The following TRAPPC9 variants were observed in gnomAD, a reference collection of about 807,000 sequenced individuals.
The protein encoded by TRAPPC9 is IKK2 binding protein.
In TRAPPC9, 83 loss-of-function variants were observed where a neutral mutation model predicts 124.0. The observed-to-expected ratio is 0.67, with a 90% CI of 0.56 to 0.80. TRAPPC9 has a LOEUF of 0.80. TRAPPC9 is among the 30% of genes least tolerant of loss of function. TRAPPC9 has a pLI of 0.00. For synonymous variants in TRAPPC9, 638 were observed against 617.5 expected (o/e 1.03, Z -0.49); for missense variants, 1,302 against 1,508.3 (o/e 0.86, Z 2.27).
intron 15 of TRAPPC9, among the ~76,000 whole-genome samples, chr8:140,256,237 T>C (rs1321723857): frequency 6.6e-6 from 1 of 152,206 alleles, no homozygotes; most frequent in Non-Finnish European, 1.5e-5. Context: ...CTCACATATA[T>C]GATTTATCCT....
chr8:140,448,446 G>C (rs1481972764), intron 2 of TRAPPC9, among the ~76,000 whole-genome samples: 4 of 152,238 alleles, frequency 2.6e-5, no homozygotes, highest in Non-Finnish European at 5.9e-5. Context: ...CGCTCCTCCT[G>C]CAGAGTTGTG....
chr8:139,733,136 C>T (rs181414844), intron 21 of TRAPPC9, among the ~76,000 whole-genome samples: 196 of 152,212 alleles, frequency 1.3e-3, no homozygotes, highest in Non-Finnish European at 1.4e-3. Context: ...AGTGAAAGGT[C>T]CCGATAGGAG....
chr8:140,458,348 A>T (rs1174566344), upstream of TRAPPC9: 8 of 1,588,868 alleles, frequency 5.0e-6, no homozygotes, highest in African/African-American at 6.8e-5. Context: ...GGCCCCGCGG[A>T]AGCCCACTGT....
rs1165029815 is a variant in TRAPPC9, at chr8:139,788,023, T to C, written c.3056-55821A>G. ...CTGACCCTGTGGCGTCCTCCACCACTGCCAACCATGGTACTACAAAGGGCA... is the reference window on the plus strand; with the variant it reads ...CTGACCCTGTGGCGTCCTCCACCACCGCCAACCATGGTACTACAAAGGGCA... On this transcript the variant is annotated intron_variant, in intron 21 of 22. Transcript: ENST00000438773. The surrounding 1 kb of genome is among the most constrained non-coding windows in gnomAD (Gnocchi z 4.9). 2.0e-5 allele frequency among the ~76,000 whole-genome samples: 3 copies of C among 152,184 alleles called. No individual in the cohort carries two copies. Among genetic ancestry groups the C allele is most frequent in the Non-Finnish European group, 4.4e-5 (3 of 68,030 alleles).
intron 7 of TRAPPC9, among the ~76,000 whole-genome samples, chr8:140,395,983 G>A (rs1186796573): frequency 6.6e-6 from 1 of 152,086 alleles, no homozygotes; most frequent in Non-Finnish European, 1.5e-5. Flanking sequence ...GTTTCCAGCG[G>A]GCTGGCCTTC....
chr8:140,276,175 G>C (rs372223906), intron 14 of TRAPPC9, among the ~76,000 whole-genome samples: 39 of 152,308 alleles, frequency 2.6e-4, no homozygotes, highest in Non-Finnish European at 4.7e-4. Flanking sequence ...CCATGAGGCC[G>C]CTGTTCTCTC....
Position 139,740,084 on chromosome 8 carries a change from G to A in TRAPPC9, c.3056-7882C>T, listed in dbSNP as rs1818454606. On this transcript the variant is annotated intron_variant, in intron 21 of 22. Coordinates refer to ENST00000438773, the MANE Select transcript of TRAPPC9 (RefSeq NM_001160372.4). ...GTCCTGAATGAGGACTCTAGGCCGA[G>A]CTACCATGCTCCGCTCTGGGCCCAC... 2.0e-5 allele frequency among the ~76,000 whole-genome samples: 3 copies of A among 152,202 alleles called. No homozygotes were observed. The South Asian group carries it at 6.2e-4, about 32-fold the overall frequency.
intron 17 of TRAPPC9, among the ~76,000 whole-genome samples, chr8:140,059,181 T>G (rs947310238): frequency 1.3e-5 from 2 of 152,192 alleles, no homozygotes; most frequent in African/African-American, 2.4e-5. Flanking sequence ...TCTCTCTAGA[T>G]CTATCTATCT....
chr8:140,211,159 A>C (rs189206701), intron 17 of TRAPPC9, among the ~76,000 whole-genome samples: 142 of 152,304 alleles, frequency 9.3e-4, no homozygotes, highest in Non-Finnish European at 1.7e-3. Context: ...TTGGGAGACC[A>C]AGGCAGGAGG....
chr8:140,291,120 G>C (rs2065643023), intron 11 of TRAPPC9, 42 bp from the exon 12 acceptor site: 7 of 1,565,416 alleles, frequency 4.5e-6, no homozygotes, highest in Non-Finnish European at 6.2e-6. Flanking sequence ...GTATTAGTTG[G>C]TATTTTTTCA....
chr8:140,403,012 T>C (rs1588289693), intron 6 of TRAPPC9, among the ~76,000 whole-genome samples: 1 of 152,200 alleles, frequency 6.6e-6, no homozygotes. Context: ...TACAGATATA[T>C]GTTTGCATAG....
intron 18 of TRAPPC9, among the ~76,000 whole-genome samples, chr8:140,004,479 G>A (rs985816942): frequency 5.3e-5 from 8 of 152,292 alleles, no homozygotes; most frequent in Admixed American, 3.3e-4. Context: ...TCATAAGCAA[G>A]TCATTTAATT....
At chr8:140,149,099 A>G (rs2061502766) in intron 17 of TRAPPC9, among the ~76,000 whole-genome samples, 1 of 152,100 alleles carries the variant, frequency 6.6e-6, no homozygotes, top group South Asian at 2.1e-4. Context: ...GCTAATACAT[A>G]AGAAAAAGCT....
intron 10 of TRAPPC9, among the ~76,000 whole-genome samples, chr8:140,309,573 C>T (rs1333931692): frequency 6.6e-6 from 1 of 152,238 alleles, no homozygotes; most frequent in African/African-American, 2.4e-5. Context: ...CTGTAAGCTT[C>T]ATAACATTCT....
intron 17 of TRAPPC9, among the ~76,000 whole-genome samples, chr8:140,117,065 C>T (rs548685575): frequency 2.6e-5 from 4 of 152,188 alleles, no homozygotes; most frequent in Admixed American, 6.5e-5. Flanking sequence ...GTTCTAACAC[C>T]GCCCCATTCT....
Position 139,775,061 on chromosome 8 carries a change from G to T in TRAPPC9, c.3056-42859C>A, listed in dbSNP as rs575779438. On this transcript the variant is annotated intron_variant, in intron 21 of 22. Transcript: ENST00000438773. The stretch of plus-strand genomic sequence containing the variant: ...CTCTGGTCCCCAAGAATGTCTAAGG[G>T]CCAGAGTGGGCCCAGGAAGCATCCT... Among the ~76,000 whole-genome samples the T allele has an allele frequency of 1.4e-4, 22 of 152,308 alleles. No homozygotes were observed. In the South Asian group the frequency reaches 4.6e-3, roughly 32 times the overall value.
At chr8:139,850,164 T>C (rs775075479) in intron 21 of TRAPPC9, among the ~76,000 whole-genome samples, 1 of 152,190 alleles carries the variant, frequency 6.6e-6, no homozygotes, top group African/African-American at 2.4e-5. Context: ...CTCATACATA[T>C]GACAAATGGG....
chr8:140,295,929 A>G (rs1283337819), intron 11 of TRAPPC9, among the ~76,000 whole-genome samples: 1 of 152,224 alleles, frequency 6.6e-6, no homozygotes, highest in Non-Finnish European at 1.5e-5. Context: ...GTTATATCTC[A>G]GAAAAAAATC....
intron 18 of TRAPPC9, among the ~76,000 whole-genome samples, chr8:140,021,882 T>C (rs1199176199): frequency 1.3e-5 from 2 of 152,216 alleles, no homozygotes; most frequent in Non-Finnish European, 2.9e-5. Context: ...GAATAAAGCA[T>C]CTTCATTTAA....
Sources: gnomAD v4.1 joint callset for allele counts (sites outside exome capture counted in the v4.1 genomes callset) on GRCh38, gnomAD v4.1.1 for gene constraint, Gnocchi (gnomAD v3.1) non-coding constraint, MANE v1.5 for transcripts, NCBI Gene and HGNC (gene_info 2026-07-23, HGNC 2026-07-21) for gene names.